RAPGEF2: variants seen among roughly 807,000 people sequenced by gnomAD.
The protein encoded by RAPGEF2 is Rap guanine nucleotide exchange factor 2.
In RAPGEF2, 54 loss-of-function variants were observed where a neutral mutation model predicts 186.7. The observed-to-expected ratio is 0.29, with a 90% confidence interval of 0.23 to 0.36. The LOEUF is 0.36. Among genes scored for constraint, RAPGEF2 ranks in the 10% least tolerant of loss-of-function variants. The pLI, the probability that RAPGEF2 is intolerant of heterozygous loss-of-function variation, is 1.00. For synonymous variants in RAPGEF2, 712 were observed against 705.9 expected (o/e 1.01, Z -0.14); for missense variants, 1,532 against 2,045.0 (o/e 0.75, Z 4.84).
chr4:159,184,119 A>G lies in RAPGEF2; in HGVS notation c.70-2523A>G, dbSNP rs1747317199. ...TTATTCCATGGTGTGTATGTGCCAC[A>G]TTTTCTTAATCCAGTCTATCATTGA... is the stretch of plus-strand genomic sequence containing the variant. On this transcript the variant is annotated intron_variant, in intron 1 of 29. Coordinates refer to ENST00000691494, the MANE Select transcript of RAPGEF2 (RefSeq NM_001394067.2). Among the ~76,000 whole-genome samples, 3 of 152,012 alleles carry G rather than the reference A, an allele frequency of 2.0e-5. No homozygotes were observed. The South Asian group carries it at 6.2e-4, about 32-fold the overall frequency.
chr4:159,119,895 A>T (rs1739469616), intron 1 of RAPGEF2, among the ~76,000 whole-genome samples: 1 of 152,212 alleles, frequency 6.6e-6, no homozygotes, highest in African/African-American at 2.4e-5. Flanking sequence ...AAATTCCAGA[A>T]ATGTATTTCA....
At position 159,206,785 on chromosome 4, in the gene RAPGEF2, G is replaced by C. The variant is rs181574900; in HGVS notation, c.198-3715G>C. On this transcript the variant is annotated intron_variant, in intron 3 of 29. Coordinates refer to ENST00000691494, the MANE Select transcript of RAPGEF2 (RefSeq NM_001394067.2). ...AGTAAGACTAAATAAAACATATTTC[G>C]ATGCTGACACCTCAGCAAGGAATTT... Among the ~76,000 whole-genome samples the C allele has an allele frequency of 2.0e-5, 3 of 152,278 alleles. No homozygotes were observed. The East Asian group carries it at 5.8e-4, about 29-fold the overall frequency.
chr4:159,346,918 T>G lies in RAPGEF2; in HGVS notation c.3632T>G (p.Ile1211Ser). The change falls in exon 25 of 30, where the codon ATC (isoleucine) becomes AGC (serine). Residue 1211 changes from isoleucine (I) to serine (S), a missense_variant. Coordinates refer to ENST00000691494, the MANE Select transcript of RAPGEF2 (RefSeq NM_001394067.2). ...CAGCAGCCACCACCAGCACATAAAA[T>G]CAACCAGGGACTACAGGTTCCCGCC... is the stretch of plus-strand genomic sequence containing the variant. The part of the protein sequence containing the change: ...PQQQPPPAHK[I>S]NQGLQVPAVS... 1 of 1,614,136 alleles carries G rather than the reference T, an allele frequency of 6.2e-7. No individual in the cohort carries two copies. Among genetic ancestry groups the G allele is most frequent in the South Asian group, 1.1e-5 (1 of 91,074 alleles).
chr4:159,177,704 A>C (rs1321470166), intron 1 of RAPGEF2, among the ~76,000 whole-genome samples: 1 of 152,210 alleles, frequency 6.6e-6, no homozygotes, highest in Non-Finnish European at 1.5e-5. Context: ...ATCAATAAAC[A>C]TAATGAAACT....
intron 1 of RAPGEF2, among the ~76,000 whole-genome samples, chr4:159,182,197 G>A (rs550065120): frequency 6.6e-6 from 1 of 152,220 alleles, no homozygotes; most frequent in South Asian, 2.1e-4. Context: ...TGGATAAAAT[G>A]AGAGGCAATC....
At chr4:159,245,139 G>A (rs1754477512) in intron 7 of RAPGEF2, among the ~76,000 whole-genome samples, 1 of 151,932 alleles carries the variant, frequency 6.6e-6, no homozygotes, top group Non-Finnish European at 1.5e-5. Context: ...ATACTTTAAT[G>A]TACACTTTTT....
At chr4:159,219,566 A>G (rs921008732) in intron 4 of RAPGEF2, among the ~76,000 whole-genome samples, 1 of 152,104 alleles carries the variant, frequency 6.6e-6, no homozygotes, top group Non-Finnish European at 1.5e-5. Flanking sequence ...CGTGTTAGCC[A>G]GGATGGTCTT....
chr4:159,287,211 A>G (rs745503450), intron 7 of RAPGEF2, among the ~76,000 whole-genome samples: 6 of 152,138 alleles, frequency 3.9e-5, no homozygotes, highest in Middle Eastern at 3.2e-3. Context: ...AACATCAATC[A>G]CTGAATATCC....
intron 1 of RAPGEF2, among the ~76,000 whole-genome samples, chr4:159,135,261 G>T (rs974734370): frequency 1.3e-5 from 2 of 152,048 alleles, no homozygotes; most frequent in African/African-American, 2.4e-5. Flanking sequence ...GCCCAAGCTC[G>T]TCTCGAACTT....
At chr4:159,222,906 A>G (rs890157242) in intron 4 of RAPGEF2, among the ~76,000 whole-genome samples, 2 of 130,450 alleles carry the variant, frequency 1.5e-5, no homozygotes, top group Non-Finnish European at 3.3e-5. Flanking sequence ...CACTTTTATT[A>G]TGAGTTGAAT....
chr4:159,165,721 A>G (rs1745236499), intron 1 of RAPGEF2, among the ~76,000 whole-genome samples: 1 of 152,080 alleles, frequency 6.6e-6, no homozygotes, highest in Non-Finnish European at 1.5e-5. Flanking sequence ...CCTCTTGAGT[A>G]GGGAAAGACT....
chr4:159,271,529 A>G (rs893379150), intron 7 of RAPGEF2, among the ~76,000 whole-genome samples: 1 of 152,198 alleles, frequency 6.6e-6, no homozygotes, highest in Non-Finnish European at 1.5e-5. Context: ...CTTTTTACAT[A>G]TGAGAAAACT....
In RAPGEF2 at chr4:159,271,247, A is replaced by T. The variant is rs187556814; in HGVS notation, c.543+27456A>T. 2.0e-4 allele frequency among the ~76,000 whole-genome samples: 30 copies of T among 152,310 alleles called. No homozygotes were observed. In the East Asian group the frequency reaches 3.7e-3, roughly 19 times the overall value. ...GGATGGATTTGAAACTTTGTAAATT[A>T]AAAAAAGTTTTAAAATAAATTGATT... is the stretch of plus-strand genomic sequence containing the variant. On this transcript the variant is annotated intron_variant, in intron 7 of 29. Transcript: ENST00000691494.
At chr4:159,297,438 A>G (rs1185635418) in intron 7 of RAPGEF2, among the ~76,000 whole-genome samples, 2 of 152,214 alleles carry the variant, frequency 1.3e-5, no homozygotes, top group Admixed American at 1.3e-4. Context: ...AAATGCACAA[A>G]ACTACGCAAG....
At chr4:159,251,867 G>T (rs1755459939) in intron 7 of RAPGEF2, among the ~76,000 whole-genome samples, 1 of 151,692 alleles carries the variant, frequency 6.6e-6, no homozygotes, top group Non-Finnish European at 1.5e-5. Flanking sequence ...CGATCTGCTT[G>T]GGTTCGTTTC....
intron 8 of RAPGEF2, among the ~76,000 whole-genome samples, chr4:159,311,869 G>T (rs1416664983): frequency 6.6e-6 from 1 of 152,132 alleles, no homozygotes; most frequent in African/African-American, 2.4e-5. Flanking sequence ...TAGAGAATCT[G>T]TAGTATTTTA....
At chr4:159,237,842 T>TAAAAAAAAA (rs58593781) in intron 4 of RAPGEF2, among the ~76,000 whole-genome samples, 3 of 66,928 alleles carry the variant, frequency 4.5e-5, no homozygotes, top group African/African-American at 1.6e-4. Flanking sequence ...CTACAAAAAT[T>TAAAAAAAAA]AAAAAAAAAA....
chr4:159,316,945 A>T (rs929772571), intron 9 of RAPGEF2, among the ~76,000 whole-genome samples: 3 of 152,170 alleles, frequency 2.0e-5, no homozygotes, highest in African/African-American at 4.8e-5. Flanking sequence ...TCATCCTTCC[A>T]CGAGATTTCC....
At chr4:159,124,451 A>C (rs1194789254) in intron 1 of RAPGEF2, among the ~76,000 whole-genome samples, 5 of 152,020 alleles carry the variant, frequency 3.3e-5, no homozygotes, top group Non-Finnish European at 1.5e-5. Context: ...AGGCAGGAGA[A>C]TTGCTTGAAC....
Sources: gnomAD v4.1 joint callset for allele counts (sites outside exome capture counted in the v4.1 genomes callset) on GRCh38, gnomAD v4.1.1 for gene constraint, MANE v1.5 for transcripts, NCBI Gene and HGNC (gene_info 2026-07-23, HGNC 2026-07-21) for gene names.